Variants in ANKS1B observed in about 807,000 individuals in gnomAD.
ANKS1B encodes the protein ankyrin repeat and sterile alpha motif domain containing 1B, also known as ankyrin repeat and sterile alpha motif domain-containing protein 1B.
ANKS1B carries 36 observed loss-of-function variants against 148.3 expected under a neutral mutation model. The ratio of observed to expected loss-of-function variants is 0.24; its 90% CI spans 0.19 to 0.32. The LOEUF (loss-of-function observed/expected upper bound fraction) is 0.32, where lower values mean the gene tolerates loss of function less well. Ranked by LOEUF, ANKS1B falls within the 10% of genes least tolerant of loss-of-function variation. The probability of loss-of-function intolerance (pLI) is 1.00; values close to 1 mark genes in which losing one functional copy is unlikely to be tolerated. For missense variants in ANKS1B, 1,157 were observed against 1,542.6 expected (o/e 0.75, Z 4.19); for synonymous variants, 542 against 560.8 (o/e 0.97, Z 0.47).
chr12:98,854,014 G>C (rs2099547547), intron 17 of ANKS1B, among the ~76,000 whole-genome samples: 1 of 152,130 alleles, frequency 6.6e-6, no homozygotes, highest in African/African-American at 2.4e-5. Context: ...ATGTGGACTG[G>C]GCCCACCCCT....
At chr12:99,541,852 T>TA (rs142078756) in intron 9 of ANKS1B, among the ~76,000 whole-genome samples, 51,473 of 144,866 alleles carry the variant, frequency 0.36, 9,097 homozygotes, top group Non-Finnish European at 0.4. Flanking sequence ...AGACTCCGTC[T>TA]AAAAAAAAAA....
At chr12:98,796,308 A>G (rs1270971563) in intron 22 of ANKS1B, among the ~76,000 whole-genome samples, 1 of 152,212 alleles carries the variant, frequency 6.6e-6, no homozygotes, top group Non-Finnish European at 1.5e-5. Flanking sequence ...TTAAAAGAAT[A>G]AACAGGTAAC....
chr12:99,291,717 C>G (rs2080020567), intron 12 of ANKS1B, among the ~76,000 whole-genome samples: 1 of 152,096 alleles, frequency 6.6e-6, no homozygotes, highest in Non-Finnish European at 1.5e-5. Context: ...TAGAACCTAT[C>G]TCTCACCTTA....
intron 26 of ANKS1B, 74 bp from the exon 27 acceptor site, chr12:98,745,923 C>G: frequency 1.1e-5 from 17 of 1,500,860 alleles, no homozygotes; most frequent in Non-Finnish European, 1.5e-5. Flanking sequence ...ACGCCGCTGG[C>G]GAACCCACGC....
intron 4 of ANKS1B, among the ~76,000 whole-genome samples, chr12:99,782,946 T>C (rs1324656348): frequency 2.6e-5 from 4 of 152,068 alleles, no homozygotes; most frequent in Non-Finnish European, 5.9e-5. Flanking sequence ...TCCCAGCACT[T>C]TGGGAGCCAA....
At chr12:98,977,644 G>T (rs1405335393) in intron 17 of ANKS1B, among the ~76,000 whole-genome samples, 1 of 152,086 alleles carries the variant, frequency 6.6e-6, no homozygotes, top group Non-Finnish European at 1.5e-5. Context: ...ATCAACACAT[G>T]GTTGTCACAG....
intron 4 of ANKS1B, among the ~76,000 whole-genome samples, chr12:99,795,162 T>C (rs1482929466): frequency 1.3e-5 from 2 of 151,764 alleles, no homozygotes. Context: ...ACATAATTGA[T>C]AAGACACTAA....
chr12:99,128,491 C>T (rs777284433), intron 15 of ANKS1B, among the ~76,000 whole-genome samples: 1 of 152,096 alleles, frequency 6.6e-6, no homozygotes, highest in Non-Finnish European at 1.5e-5. Context: ...TATTAGAATG[C>T]TGTGTGTGCT....
In ANKS1B at chr12:99,246,308, T is replaced by G; in HGVS notation, c.2313A>C (p.Glu771Asp). 5 of 1,602,212 alleles carry G rather than the reference T, an allele frequency of 3.1e-6. No homozygotes were observed. The highest frequency in any genetic ancestry group is 4.3e-6 in the Non-Finnish European group (5 of 1,174,398). The change falls in exon 13 of 27, where the codon GAA becomes GAC. Residue 771 changes from glutamate (E) to aspartate (D), a missense_variant. This residue lies in a region of ANKS1B where 661 missense variants were observed against 642.1 expected (regional missense o/e 1.03). Coordinates refer to ENST00000683438, the MANE Select transcript of ANKS1B (RefSeq NM_001352186.2). ...TAEHSSKGNSERTPSFTSEWE... is the reference protein window; with the variant it reads ...TAEHSSKGNSDRTPSFTSEWE... Reference sequence around the variant, plus strand: ...ATTCCGATGTGAAGGATGGTGTTCTTTCAGAATTCCCTTTAGAACTGTGTT... The same window carrying G: ...ATTCCGATGTGAAGGATGGTGTTCTGTCAGAATTCCCTTTAGAACTGTGTT...
chr12:99,950,135 T>C (rs2095178793), intron 1 of ANKS1B, among the ~76,000 whole-genome samples: 1 of 148,380 alleles, frequency 6.7e-6, no homozygotes, highest in South Asian at 2.2e-4. Context: ...TTTTTTTTTT[T>C]TTTTTAGCAG....
At chr12:99,178,903 C>T (rs959030615) in intron 14 of ANKS1B, among the ~76,000 whole-genome samples, 2 of 152,092 alleles carry the variant, frequency 1.3e-5, no homozygotes, top group African/African-American at 2.4e-5. Context: ...ATCTCTTCAA[C>T]TCACCCTAAT....
At chr12:99,833,843 A>T (rs1317506777) in intron 1 of ANKS1B, among the ~76,000 whole-genome samples, 1 of 152,168 alleles carries the variant, frequency 6.6e-6, no homozygotes. Context: ...ATTATACAAA[A>T]ATTAATTATA....
intron 17 of ANKS1B, among the ~76,000 whole-genome samples, chr12:99,040,271 TGTGC>T (rs1374903452): frequency 6.6e-6 from 1 of 151,286 alleles, no homozygotes; most frequent in East Asian, 2.0e-4. Context: ...TCTATGTGCG[TGTGC>T]GTGTGTGTGT....
chr12:99,327,309 ATAT>A (rs1157726534), intron 12 of ANKS1B, among the ~76,000 whole-genome samples: 4 of 117,968 alleles, frequency 3.4e-5, no homozygotes, highest in African/African-American at 7.6e-5. Context: ...ATGTAATTAT[ATAT>A]TATAATTACA....
chr12:98,950,294 C>A (rs963175526), intron 17 of ANKS1B, among the ~76,000 whole-genome samples: 1 of 152,088 alleles, frequency 6.6e-6, no homozygotes, highest in East Asian at 1.9e-4. Flanking sequence ...GTCAGGAGTT[C>A]GAGACCAGCC....
rs569855861 is a variant in ANKS1B at position 99,406,967 on chromosome 12, A to G, written c.1576-7156T>C. 1.0e-4 allele frequency among the ~76,000 whole-genome samples: 15 copies of G among 145,918 alleles called. No individual in the cohort carries two copies. The South Asian group carries it at 3.1e-3, about 31-fold the overall frequency. On this transcript the variant is annotated intron_variant, in intron 11 of 26. Coordinates refer to ENST00000683438, the MANE Select transcript of ANKS1B (RefSeq NM_001352186.2). Reference sequence around the variant, plus strand: ...CAAACATTTAAAGAATAACTAATACATGCCTTACTCAAACTATGCCAAGAA... The same window carrying G: ...CAAACATTTAAAGAATAACTAATACGTGCCTTACTCAAACTATGCCAAGAA...
At chr12:99,306,488 A>G (rs1000035943) in intron 12 of ANKS1B, among the ~76,000 whole-genome samples, 3 of 152,066 alleles carry the variant, frequency 2.0e-5, no homozygotes, top group African/African-American at 7.2e-5. Context: ...TAAGCAACAC[A>G]TAAGGGTATT....
chr12:99,802,959 AGG>A (rs1280715229), intron 4 of ANKS1B, among the ~76,000 whole-genome samples: 49 of 151,914 alleles, frequency 3.2e-4, no homozygotes, highest in Non-Finnish European at 6.0e-4. Context: ...TGTAACTACT[AGG>A]AAAAGACAAG....
chr12:99,333,777 C>T (rs186851035), intron 12 of ANKS1B, among the ~76,000 whole-genome samples: 1 of 151,286 alleles, frequency 6.6e-6, no homozygotes, highest in Admixed American at 6.6e-5. Context: ...TTTTCTAGTC[C>T]CACATTTTTT....
Sources: allele counts gnomAD v4.1 joint callset (sites outside exome capture counted in the v4.1 genomes callset), GRCh38; gene constraint gnomAD v4.1.1; regional missense constraint gnomAD v4.1.1; transcripts MANE v1.5; gene names NCBI Gene and HGNC (gene_info 2026-07-23, HGNC 2026-07-21).